The following SLC39A5 variants were observed in gnomAD, a reference collection of about 807,000 sequenced individuals.
SLC39A5 encodes the protein zinc transporter ZIP5.
In SLC39A5, 42 loss-of-function variants were observed where a neutral mutation model predicts 46.9. That is an observed-to-expected ratio of 0.90 (90% CI 0.70 to 1.16). The LOEUF is 1.16. Ranked by LOEUF, SLC39A5 falls within the 50% of genes most tolerant of loss-of-function variation. The pLI is 0.00. For synonymous variants in SLC39A5, 311 were observed against 323.1 expected (o/e 0.96, Z 0.40); for missense variants, 677 against 686.8 (o/e 0.99, Z 0.16).
In SLC39A5 at chr12:56,236,660, G is replaced by C. The variant is rs74812296; in HGVS notation, c.1121G>C (p.Ser374Thr). 0.016 allele frequency: 26,106 copies of C among 1,613,792 alleles called. 257 individuals are homozygous for C. The highest frequency in any genetic ancestry group is 0.017 in the Non-Finnish European group (20,337 of 1,179,792). ...ALAPPGHQGH[S>T]HGHQGGTDIT... ...GCCCCTCCTGGGCACCAAGGCCACA[G>C]TCATGGGCACCAGGGTGGCACTGAT... Residue 374 changes from serine to threonine, a missense_variant, in exon 10 of 13, where the codon AGT (serine) becomes ACT (threonine). Coordinates refer to ENST00000454355, the MANE Select transcript of SLC39A5 (RefSeq NM_173596.3).
chr12:56,232,776 C>T lies in SLC39A5; in HGVS notation c.375C>T (p.Ala125=). 6.2e-7 allele frequency: 1 copy of T among 1,612,044 alleles called. No homozygotes were observed. Among genetic ancestry groups the T allele is most frequent in the South Asian group, 1.1e-5 (1 of 90,850 alleles). Residue 125 remains alanine, a synonymous_variant, in exon 5 of 13, where the codon GCC becomes GCT. Transcript: ENST00000454355. The part of the protein sequence containing the change: ...SGWGDLEESK[A]PHLPRGPAPS... The stretch of plus-strand genomic sequence containing the variant: ...GGGGTGACCTGGAAGAGTCAAAGGC[C>T]CCTCACCTACCCCGTGGGCCAGCCC...
At chr12:56,237,084 G>A in intron 11 of SLC39A5, 66 bp from the exon 12 acceptor site, 1 of 1,612,342 alleles carries the variant, frequency 6.2e-7, no homozygotes, top group African/African-American at 1.3e-5. Context: ...CTTGGAGGCT[G>A]GTGGGTGGCA....
chr12:56,231,932 T>C (rs1476819049), intron 4 of SLC39A5, among the ~76,000 whole-genome samples: 1 of 151,808 alleles, frequency 6.6e-6, no homozygotes, highest in Non-Finnish European at 1.5e-5. Flanking sequence ...TTCGCTGTGT[T>C]GCCCAGGCTG....
In SLC39A5 at chr12:56,237,702, C is replaced by T. The variant is rs767764540; in HGVS notation, c.1594C>T (p.Arg532Trp). Residue 532 changes from arginine (R) to tryptophan (W), a missense_variant, in exon 13 of 13, where the codon CGG becomes TGG. By Grantham distance (101) the Arg-to-Trp change is moderately radical. Transcript: ENST00000454355. ...LMLAITLLEE[R>W]LLPVTTEG ...GCTTGCCATAACCCTGCTGGAGGAG[C>T]GGCTACTGCCCGTGACCACTGAGGG... 4.4e-6 allele frequency: 7 copies of T among 1,585,956 alleles called. No homozygotes were observed. Among genetic ancestry groups the T allele is most frequent in the Admixed American group, 1.8e-5 (1 of 55,442 alleles).
Position 56,237,679 on chromosome 12 carries a change from T to C in SLC39A5, c.1571T>C (p.Leu524Pro). 1.9e-6 allele frequency: 3 copies of C among 1,606,316 alleles called. No individual in the cohort carries two copies. The highest frequency in any genetic ancestry group is 2.5e-6 in the Non-Finnish European group (3 of 1,176,784). The change falls in exon 13 of 13, where the codon CTT becomes CCT. Residue 524 changes from leucine to proline, a missense_variant. By Grantham distance (98) the Leu-to-Pro change is moderately conservative (BLOSUM62 -3). Coordinates refer to ENST00000454355, the MANE Select transcript of SLC39A5 (RefSeq NM_173596.3). ...CTGCTGCTGGGGGGCGGCCTCATGCTTGCCATAACCCTGCTGGAGGAGCGG... is the reference window on the plus strand; with the variant it reads ...CTGCTGCTGGGGGGCGGCCTCATGCCTGCCATAACCCTGCTGGAGGAGCGG... ...LGLLLGGGLM[L>P]AITLLEERLL...
rs752255941 is a variant in SLC39A5, at chr12:56,235,563, C to G, written c.808C>G (p.Gln270Glu). The G allele has an allele frequency of 6.2e-7, 1 of 1,613,812 alleles. No homozygotes were observed. The change falls in exon 8 of 13, where the codon CAA becomes GAA. Residue 270 changes from glutamine (Q) to glutamate (E), a missense_variant. Transcript: ENST00000454355. Reference protein sequence around the residue: ...DALLHLLPHAQEGRHAGPGGL... With the variant: ...DALLHLLPHAEEGRHAGPGGL... ...GCCCTGACCTTCTCTCTGTCAGGCA[C>G]AAGAAGGGCGGCACGCAGGACCTGG...
chr12:56,236,775 G>C, intron 10 of SLC39A5, 29 bp downstream of exon 10: 1 of 1,581,020 alleles, frequency 6.3e-7, no homozygotes, highest in Non-Finnish European at 8.6e-7. Flanking sequence ...GAGGGAAGCA[G>C]GTCCGAGGGG....
chr12:56,231,513 C>A lies in SLC39A5; in HGVS notation c.239C>A (p.Pro80His). ...VQGLRLGQHGPLTGRAASPAA... is the reference protein window; with the variant it reads ...VQGLRLGQHGHLTGRAASPAA... The stretch of plus-strand genomic sequence containing the variant: ...GGGCTTCGCCTGGGACAGCATGGGC[C>A]TCTGACTGGACGGGCTGCATCCCCA... The change falls in exon 4 of 13, where the codon CCT becomes CAT. Residue 80 changes from proline (P) to histidine (H), a missense_variant. Coordinates refer to ENST00000454355, the MANE Select transcript of SLC39A5 (RefSeq NM_173596.3). The A allele has an allele frequency of 6.3e-7, 1 of 1,596,288 alleles. No homozygotes were observed.
Position 56,231,268 on chromosome 12 carries a change from C to G in SLC39A5, c.-7C>G. The G allele has an allele frequency of 6.3e-7, 1 of 1,595,332 alleles. No homozygotes were observed. The highest frequency in any genetic ancestry group is 8.5e-7 in the Non-Finnish European group (1 of 1,169,760). ...GAACCTGAGCCCCTAAGCTATTCCC[C>G]TCACCAATGATGGGGTCCCCAGTGA... is the stretch of plus-strand genomic sequence containing the variant. On this transcript the variant is annotated 5_prime_UTR_variant, in exon 4 of 13. Transcript: ENST00000454355.
rs191629986 is a variant in SLC39A5, at chr12:56,231,839, C to T, written c.287+278C>T. The stretch of plus-strand genomic sequence containing the variant: ...TTCCCAGGCTGAAGCCATCCTCCCA[C>T]CTCAGCCTCCTGAGCAGCTGGGACC... On this transcript the variant is annotated intron_variant, in intron 4 of 12. Coordinates refer to ENST00000454355, the MANE Select transcript of SLC39A5 (RefSeq NM_173596.3). Among the ~76,000 whole-genome samples the T allele has an allele frequency of 5.1e-3, 775 of 152,234 alleles. 12 individuals carry two copies. Among genetic ancestry groups the T allele is most frequent in the African/African-American group, 0.017 (726 of 41,528 alleles).
chr12:56,233,538 C>T (rs1870447495), intron 5 of SLC39A5, among the ~76,000 whole-genome samples: 1 of 152,088 alleles, frequency 6.6e-6, no homozygotes, highest in African/African-American at 2.4e-5. Context: ...AACTATGTTC[C>T]CTCTGGGATC....
In SLC39A5 at chr12:56,237,166, G is replaced by T. The variant is rs528934105; in HGVS notation, c.1305G>T (p.Leu435=). Residue 435 remains leucine, a synonymous_variant, in exon 12 of 13, where the codon CTG becomes CTT. Coordinates refer to ENST00000454355, the MANE Select transcript of SLC39A5 (RefSeq NM_173596.3). ...LPHELGDFAM[L]LQSGLSFRRL... is the part of the protein sequence containing the mutation. ...CTCCAATAGGTGACTTTGCCATGCTGCTCCAGTCAGGGCTGTCCTTTCGGC... is the reference window on the plus strand; with the variant it reads ...CTCCAATAGGTGACTTTGCCATGCTTCTCCAGTCAGGGCTGTCCTTTCGGC... 9.3e-6 allele frequency: 15 copies of T among 1,613,662 alleles called. No homozygotes were observed. Among genetic ancestry groups the T allele is most frequent in the Non-Finnish European group, 1.3e-5 (15 of 1,180,022 alleles).
intron 3 of SLC39A5, 108 bp downstream of exon 3, chr12:56,230,981 T>G: frequency 2.6e-6 from 1 of 380,438 alleles, no homozygotes; most frequent in Non-Finnish European, 4.7e-6. Context: ...GAATGGACGG[T>G]CAGCTCTGGA....
chr12:56,236,758 G>A lies in SLC39A5; in HGVS notation c.1207+12G>A. The A allele has an allele frequency of 6.3e-7, 1 of 1,586,938 alleles. No individual in the cohort carries two copies. The highest frequency in any genetic ancestry group is 8.6e-7 in the Non-Finnish European group (1 of 1,164,548). On this transcript the variant is annotated intron_variant, in intron 10 of 12. Coordinates refer to ENST00000454355, the MANE Select transcript of SLC39A5 (RefSeq NM_173596.3). ...TGGGCTGGCCATAGGTGTGAGGGGTGGGAACGGAGGGAAGCAGGTCCGAGG... is the reference window on the plus strand; with the variant it reads ...TGGGCTGGCCATAGGTGTGAGGGGTAGGAACGGAGGGAAGCAGGTCCGAGG...
Position 56,236,502 on chromosome 12 carries a change from G to C in SLC39A5, c.1042+10G>C. 1 of 1,614,222 alleles carries C rather than the reference G, an allele frequency of 6.2e-7. No homozygotes were observed. Among genetic ancestry groups the C allele is most frequent in the Non-Finnish European group, 8.5e-7 (1 of 1,180,038 alleles). The stretch of plus-strand genomic sequence containing the variant: ...CTACAGGCAGCTCCAGGTGACTAGA[G>C]GAGAAAATTTGAAGAGTAGGTTCCA... On this transcript the variant is annotated intron_variant, in intron 9 of 12. Coordinates refer to ENST00000454355, the MANE Select transcript of SLC39A5 (RefSeq NM_173596.3).
In SLC39A5 at chr12:56,236,951, T is replaced by C; in HGVS notation, c.1228T>C (p.Phe410Leu). 6.2e-7 allele frequency: 1 copy of C among 1,614,124 alleles called. No homozygotes were observed. ...CCCAGGTGCTGCCTTCTCTGATGGC[T>C]TCTCCAGCGGCCTCAGTACCACCTT... ...LAIGAAFSDGFSSGLSTTLAV... is the reference protein window; with the variant it reads ...LAIGAAFSDGLSSGLSTTLAV... Residue 410 changes from phenylalanine (F) to leucine (L), a missense_variant, in exon 11 of 13, where the codon TTC (phenylalanine) becomes CTC (leucine). By Grantham distance (22) the Phe-to-Leu change is conservative. Transcript: ENST00000454355.
Position 56,231,325 on chromosome 12 carries a change from C to T in SLC39A5, c.51C>T (p.Val17=), listed in dbSNP as rs752905903. 14 of 1,612,856 alleles carry T rather than the reference C, an allele frequency of 8.7e-6. No individual in the cohort carries two copies. The highest frequency in any genetic ancestry group is 1.3e-5 in the African/African-American group (1 of 74,894). Residue 17 remains valine (V), a synonymous_variant, in exon 4 of 13, where the codon GTC becomes GTT. Transcript: ENST00000454355. ...SHLLAGFCVW[V]VLGWVGGSVP... Reference sequence around the variant, plus strand: ...TGCTGGCCGGCTTCTGTGTGTGGGTCGTCTTGGGCTGGGTAGGGGGCTCAG... The same window carrying T: ...TGCTGGCCGGCTTCTGTGTGTGGGTTGTCTTGGGCTGGGTAGGGGGCTCAG...
chr12:56,235,301 A>T lies in SLC39A5; in HGVS notation c.779A>T (p.Asp260Val), dbSNP rs1416320560. 6.5e-7 allele frequency: 1 copy of T among 1,535,378 alleles called. No individual in the cohort carries two copies. Among genetic ancestry groups the T allele is most frequent in the Non-Finnish European group, 8.7e-7 (1 of 1,148,420 alleles). Residue 260 changes from aspartate to valine, a missense_variant, in exon 7 of 13, where the codon GAT becomes GTT. Coordinates refer to ENST00000454355, the MANE Select transcript of SLC39A5 (RefSeq NM_173596.3). ...CTGGCGGTGGGCACTCTTTGTGGGG[A>T]TGCACTGCTACATCTGCTACCGCAT... ...GALAVGTLCG[D>V]ALLHLLPHAQ... is the part of the protein sequence containing the mutation.
intron 5 of SLC39A5, among the ~76,000 whole-genome samples, chr12:56,233,398 CGA>C (rs1252233079): frequency 1.3e-5 from 2 of 149,006 alleles, no homozygotes; most frequent in Non-Finnish European, 3.0e-5. Context: ...TGCAGTCAGC[CGA>C]GATTGCACCA....
Sources: allele counts gnomAD v4.1 joint callset (sites outside exome capture counted in the v4.1 genomes callset), GRCh38; gene constraint gnomAD v4.1.1; transcripts MANE v1.5; gene names NCBI Gene and HGNC (gene_info 2026-07-23, HGNC 2026-07-21).